CREB5: variants seen among roughly 807,000 people sequenced by gnomAD.
CREB5 encodes cAMP responsive element binding protein 5.
In CREB5, 19 loss-of-function variants were observed where a neutral mutation model predicts 57.1. The ratio of observed to expected loss-of-function variants is 0.33; its 90% confidence interval spans 0.23 to 0.49. The LOEUF (loss-of-function observed/expected upper bound fraction) is 0.49, where lower values mean the gene tolerates loss of function less well. Ranked by LOEUF, CREB5 falls within the 20% of genes least tolerant of loss-of-function variation. CREB5 has a pLI of 0.99. For synonymous variants in CREB5, 238 were observed against 238.3 expected, an observed-to-expected ratio of 1.00 and a Z score of 0.01; for missense variants, 579 against 671.6, an observed-to-expected ratio of 0.86 and a Z score of 1.52.
At chr7:28,445,509 T>A (rs191154948) in intron 1 of CREB5, among the ~76,000 whole-genome samples, 1 of 151,808 alleles carries the variant, frequency 6.6e-6, no homozygotes, top group East Asian at 1.9e-4. Context: ...AGGGTTTTAC[T>A]GAAGAGTGAA....
intron 8 of CREB5, among the ~76,000 whole-genome samples, chr7:28,808,024 T>A (rs1475285262): frequency 6.6e-6 from 1 of 152,182 alleles, no homozygotes; most frequent in Non-Finnish European, 1.5e-5. Flanking sequence ...TAGTAAAACT[T>A]TTTAATAAAG....
At chr7:28,633,292 A>C (rs997682755) in intron 5 of CREB5, among the ~76,000 whole-genome samples, 3 of 152,218 alleles carry the variant, frequency 2.0e-5, no homozygotes, top group Non-Finnish European at 4.4e-5. Flanking sequence ...GTGATACCAA[A>C]ACAAGGCTCT....
Position 28,560,921 on chromosome 7 carries a change from TGCGC to T in CREB5, c.292-9442_292-9439del, listed in dbSNP as rs1203532865. On this transcript the variant is annotated intron_variant, in intron 4 of 10. Coordinates refer to ENST00000357727, the MANE Select transcript of CREB5 (RefSeq NM_182898.4). ...GCGTGCGCGCGTGCGTGTGCGTGTG[TGCGC>T]GTGCGTGTGTGCGTGCGTGTGTGTG... 9.1e-4 allele frequency among the ~76,000 whole-genome samples: 37 copies of T among 40,558 alleles called. 3 individuals carry two copies. Among genetic ancestry groups the T allele is most frequent in the South Asian group, 2.8e-3 (3 of 1,060 alleles). The allele number at this position is 40,558 out of a possible 152,430, so 26.6% of individuals were successfully genotyped here. A position where few individuals can be genotyped will look rare whatever the true frequency, so the allele number is the denominator to read the frequency against.
chr7:28,542,346 T>C (rs1408303297), intron 4 of CREB5, among the ~76,000 whole-genome samples: 1 of 152,206 alleles, frequency 6.6e-6, no homozygotes, highest in Non-Finnish European at 1.5e-5. Context: ...TCGTTGTTCC[T>C]GCTTAATATG....
intron 5 of CREB5, among the ~76,000 whole-genome samples, chr7:28,675,989 T>C (rs1800304020): frequency 6.6e-6 from 1 of 152,158 alleles, no homozygotes; most frequent in Admixed American, 6.5e-5. Flanking sequence ...CCTTCAGATA[T>C]TTGTGTCATT....
At chr7:28,718,694 T>G (rs535845192) in intron 5 of CREB5, 59 bp from the exon 6 acceptor site, 1 of 1,601,628 alleles carries the variant, frequency 6.2e-7, no homozygotes, top group Admixed American at 1.7e-5. Flanking sequence ...TTCTGGACAC[T>G]GGGGAGACAG....
At chr7:28,465,588 C>T (rs930035998) in intron 1 of CREB5, among the ~76,000 whole-genome samples, 2 of 152,150 alleles carry the variant, frequency 1.3e-5, no homozygotes, top group African/African-American at 4.8e-5. Flanking sequence ...CAAGTCCTAG[C>T]TCTGCTTTTA....
Position 28,327,122 on chromosome 7 carries a change from C to CT in CREB5, c.-25+27682dup, listed in dbSNP as rs542079370. ...TGAGGTCAACCCATTGCACTCCAGC[C>CT]TGGGCGACAGGGTGAGACTCCATCT... On this transcript the variant is annotated intron_variant, in intron 1 of 9. Coordinates refer to the CREB5 transcript ENST00000396299. 1.5e-4 allele frequency among the ~76,000 whole-genome samples: 21 copies of CT among 138,126 alleles called. No homozygotes were observed. In the South Asian group the frequency reaches 4.8e-3, roughly 31 times the overall value. The allele number at this position is 138,126 out of a possible 152,430, so 90.6% of individuals were successfully genotyped here.
At chr7:28,480,901 T>C (rs1791295472) in intron 1 of CREB5, among the ~76,000 whole-genome samples, 1 of 152,170 alleles carries the variant, frequency 6.6e-6, no homozygotes, top group African/African-American at 2.4e-5. Flanking sequence ...GACAGGATTA[T>C]GTGAAACAAA....
At chr7:28,378,001 A>G (rs186151012) in intron 1 of CREB5, among the ~76,000 whole-genome samples, 1 of 151,296 alleles carries the variant, frequency 6.6e-6, no homozygotes, top group African/African-American at 2.4e-5. Flanking sequence ...TAGGGCTATT[A>G]TCTCTCTTGT....
intron 5 of CREB5, among the ~76,000 whole-genome samples, chr7:28,641,315 C>G (rs1583464799): frequency 6.6e-6 from 1 of 152,068 alleles, no homozygotes; most frequent in African/African-American, 2.4e-5. Flanking sequence ...AAGGGACTGT[C>G]TTTGGGTTAG....
In CREB5 at chr7:28,468,489, GAC is replaced by G. The variant is rs570891721; in HGVS notation, c.4-19684_4-19683del. ...ACGTGGCATCTTACCTGCTGTCTGAGACAGAGACAGATCTGCTCGACCAAGGA... is the reference window on the plus strand; with the variant it reads ...ACGTGGCATCTTACCTGCTGTCTGAGAGAGACAGATCTGCTCGACCAAGGA... On this transcript the variant is annotated intron_variant, in intron 1 of 10. Transcript: ENST00000357727. 2.6e-5 allele frequency among the ~76,000 whole-genome samples: 4 copies of G among 152,368 alleles called. No individual in the cohort carries two copies. In the South Asian group the frequency reaches 8.3e-4, roughly 32 times the overall value.
intron 1 of CREB5, among the ~76,000 whole-genome samples, chr7:28,361,737 T>G (rs1204145349): frequency 1.3e-5 from 2 of 152,190 alleles, no homozygotes; most frequent in Non-Finnish European, 2.9e-5. Context: ...CAGAGTTTGT[T>G]CTGTTGCTTG....
chr7:28,654,922 T>G (rs761756222), intron 5 of CREB5, among the ~76,000 whole-genome samples: 1 of 152,060 alleles, frequency 6.6e-6, no homozygotes, highest in African/African-American at 2.4e-5. Context: ...ATTCAATTCT[T>G]TTTTTTCAGA....
chr7:28,389,313 A>AATAAG (rs1301521049), intron 1 of CREB5, among the ~76,000 whole-genome samples: 1 of 152,174 alleles, frequency 6.6e-6, no homozygotes, highest in Non-Finnish European at 1.5e-5. Context: ...ACATAAAGAA[A>AATAAG]ATAAGATGGA....
At chr7:28,743,538 TAAA>T (rs1181481717) in intron 7 of CREB5, among the ~76,000 whole-genome samples, 1 of 152,030 alleles carries the variant, frequency 6.6e-6, no homozygotes, top group Non-Finnish European at 1.5e-5. Context: ...TTTCAAAAAA[TAAA>T]AAAGAAAGAA....
rs952350326 is a variant in CREB5, at chr7:28,821,271, GA to G, written c.*1999del. The G allele has an allele frequency of 4.0e-5, 6 of 151,492 alleles. No homozygotes were observed. The highest frequency in any genetic ancestry group is 1.2e-4 in the African/African-American group (5 of 41,314). 9.4% of individuals were successfully genotyped at this position (151,492 alleles called of 1,614,324 possible). A position where few individuals can be genotyped will look rare whatever the true frequency, so the allele number is the denominator to read the frequency against. ...CTATAGTATAAGAATCTATTTTGGA[GA>G]AAAAAAGAAAATATGAGGGTCTCGA... is the stretch of plus-strand genomic sequence containing the variant. On this transcript the variant is annotated 3_prime_UTR_variant, in exon 11 of 11. Coordinates refer to ENST00000357727, the MANE Select transcript of CREB5 (RefSeq NM_182898.4).
At chr7:28,735,954 G>A (rs1039338275) in intron 7 of CREB5, among the ~76,000 whole-genome samples, 2 of 151,682 alleles carry the variant, frequency 1.3e-5, no homozygotes, top group South Asian at 2.1e-4. Flanking sequence ...ACAGGCAGAC[G>A]CCACCACGCC....
intron 4 of CREB5, among the ~76,000 whole-genome samples, chr7:28,530,042 A>G (rs2128621153): frequency 6.6e-6 from 1 of 152,322 alleles, no homozygotes; most frequent in East Asian, 1.9e-4. Flanking sequence ...AGATTAAGCT[A>G]TTTGTCCTTA....
Sources: allele counts gnomAD v4.1 joint callset (sites outside exome capture counted in the v4.1 genomes callset), GRCh38; gene constraint gnomAD v4.1.1; transcripts MANE v1.5; gene names NCBI Gene and HGNC (gene_info 2026-07-23, HGNC 2026-07-21).